The following NUMB variants were observed in gnomAD, a reference collection of about 807,000 sequenced individuals.
NUMB encodes the protein protein numb homolog.
NUMB carries 29 observed loss-of-function variants against 59.7 expected under a neutral mutation model. The ratio of observed to expected loss-of-function variants is 0.49; its 90% CI spans 0.36 to 0.66. NUMB has a LOEUF of 0.66. NUMB is among the 30% of genes least tolerant of loss of function. The pLI, the probability that NUMB is intolerant of heterozygous loss-of-function variation, is 0.00. For synonymous variants in NUMB, 288 were observed against 288.2 expected (o/e 1.00, Z 0.01); for missense variants, 723 against 822.0 (o/e 0.88, Z 1.47).
In NUMB at chr14:73,355,739, G is replaced by C; in HGVS notation, c.13C>G (p.Arg5Gly). The C allele has an allele frequency of 6.2e-7, 1 of 1,610,680 alleles. No individual in the cohort carries two copies. The highest frequency in any genetic ancestry group is 1.1e-5 in the South Asian group (1 of 90,754). ...TCCTTCTTTCTCCTAAAACTTTGCC[G>C]TAATTTGTTCATTTTAATTTTTACA... Reference protein sequence around the residue: MNKLRQSFRRKKDVY... With the variant: MNKLGQSFRRKKDVY... Residue 5 changes from arginine to glycine, a missense_variant, in exon 4 of 13, where the codon CGG becomes GGG. Physicochemically the swap from Arg to Gly is moderately radical, Grantham distance 125. Transcript: ENST00000555238.
intron 10 of NUMB, among the ~76,000 whole-genome samples, chr14:73,283,759 A>G (rs974585531): frequency 6.6e-6 from 1 of 152,250 alleles, no homozygotes; most frequent in Non-Finnish European, 1.5e-5. Flanking sequence ...ATAAGAATAG[A>G]AACTTGAGAC....
At chr14:73,434,911 T>G (rs1897987756) in intron 1 of NUMB, among the ~76,000 whole-genome samples, 1 of 152,230 alleles carries the variant, frequency 6.6e-6, no homozygotes. Flanking sequence ...TTCATTTTAT[T>G]TTTAATTATA....
intron 5 of NUMB, among the ~76,000 whole-genome samples, chr14:73,318,364 T>G (rs907375741): frequency 6.6e-6 from 1 of 152,218 alleles, no homozygotes; most frequent in African/African-American, 2.4e-5. Context: ...TTTAAAAACA[T>G]TTGTTATGAT....
chr14:73,453,197 C>T (rs996474595), intron 1 of NUMB, among the ~76,000 whole-genome samples: 3 of 152,074 alleles, frequency 2.0e-5, no homozygotes, highest in Non-Finnish European at 4.4e-5. Context: ...CAATGGCGTG[C>T]TATTGGCTCA....
chr14:73,426,099 C>G (rs908039949), intron 1 of NUMB, among the ~76,000 whole-genome samples: 1 of 152,022 alleles, frequency 6.6e-6, no homozygotes, highest in Admixed American at 6.6e-5. Context: ...CATGAGCCAC[C>G]GTGCCCAGCC....
At chr14:73,305,891 G>A (rs1210965675) in intron 6 of NUMB, among the ~76,000 whole-genome samples, 1 of 152,188 alleles carries the variant, frequency 6.6e-6, no homozygotes, top group Non-Finnish European at 1.5e-5. Context: ...ATGATACAGT[G>A]TGCCTTGTAA....
At chr14:73,439,764 G>T (rs1315882232) in intron 1 of NUMB, among the ~76,000 whole-genome samples, 1 of 152,170 alleles carries the variant, frequency 6.6e-6, no homozygotes, top group Non-Finnish European at 1.5e-5. Flanking sequence ...TTAAAGAGGA[G>T]AAAGGAGAGA....
chr14:73,427,996 T>C (rs897060067), intron 1 of NUMB, among the ~76,000 whole-genome samples: 3 of 152,208 alleles, frequency 2.0e-5, no homozygotes, highest in Non-Finnish European at 4.4e-5. Flanking sequence ...TAACTAACTT[T>C]GTTGAGTGGG....
chr14:73,452,197 T>C (rs1423586337), intron 1 of NUMB, among the ~76,000 whole-genome samples: 5 of 151,954 alleles, frequency 3.3e-5, no homozygotes, highest in African/African-American at 9.7e-5. Context: ...TCATCTCTAC[T>C]AAAAATGCAA....
At chr14:73,348,863 T>C (rs1318560619) in intron 4 of NUMB, among the ~76,000 whole-genome samples, 10 of 152,210 alleles carry the variant, frequency 6.6e-5, no homozygotes, top group Admixed American at 6.5e-4. Context: ...GAAGAAGTGC[T>C]TCAATTAACT....
intron 1 of NUMB, among the ~76,000 whole-genome samples, chr14:73,448,995 G>GAA (rs78099874): frequency 1.3e-5 from 2 of 149,626 alleles, no homozygotes; most frequent in Admixed American, 1.3e-4. Flanking sequence ...AATATATTCG[G>GAA]AAAAAAAAAT....
intron 2 of NUMB, among the ~76,000 whole-genome samples, chr14:73,397,136 A>G (rs1488563013): frequency 1.3e-5 from 2 of 151,982 alleles, no homozygotes; most frequent in South Asian, 2.1e-4. Context: ...TCAAAAAAAC[A>G]AAACAAAACA....
chr14:73,375,828 T>C (rs539519964), intron 2 of NUMB, among the ~76,000 whole-genome samples: 1 of 152,322 alleles, frequency 6.6e-6, no homozygotes, highest in African/African-American at 2.4e-5. Context: ...TCTCCATAAA[T>C]GCAGAAAAAG....
intron 1 of NUMB, among the ~76,000 whole-genome samples, chr14:73,443,877 C>T (rs991584286): frequency 1.3e-5 from 2 of 151,866 alleles, no homozygotes; most frequent in Non-Finnish European, 2.9e-5. Flanking sequence ...AACTCCTGAG[C>T]TCAAGCAATC....
chr14:73,420,387 A>G (rs1486805345), intron 1 of NUMB, among the ~76,000 whole-genome samples: 1 of 152,242 alleles, frequency 6.6e-6, no homozygotes, highest in Non-Finnish European at 1.5e-5. Context: ...GCACTTAGAG[A>G]AAAACACACT....
intron 4 of NUMB, 63 bp downstream of exon 4, chr14:73,355,563 T>C: frequency 6.8e-7 from 1 of 1,469,282 alleles, no homozygotes; most frequent in Non-Finnish European, 9.1e-7. Context: ...TTAATGAGAT[T>C]TCACATACAC....
At chr14:73,345,971 C>T (rs188044892) in intron 4 of NUMB, among the ~76,000 whole-genome samples, 1 of 151,972 alleles carries the variant, frequency 6.6e-6, no homozygotes, top group East Asian at 1.9e-4. Flanking sequence ...ATAATTAACT[C>T]CATTGTGTGG....
chr14:73,429,744 ACCAG>A (rs1897743622), intron 1 of NUMB, among the ~76,000 whole-genome samples: 4 of 152,216 alleles, frequency 2.6e-5, no homozygotes, highest in Admixed American at 2.0e-4. Context: ...GGAGTTTCAG[ACCAG>A]CCTGGCCAAC....
At chr14:73,334,150 C>G (rs1892156517) in intron 4 of NUMB, among the ~76,000 whole-genome samples, 1 of 152,100 alleles carries the variant, frequency 6.6e-6, no homozygotes. Flanking sequence ...CTCCCAGGTT[C>G]AGGCGATTCT....
Sources: gnomAD v4.1 joint callset for allele counts (sites outside exome capture counted in the v4.1 genomes callset) on GRCh38, gnomAD v4.1.1 for gene constraint, MANE v1.5 for transcripts, NCBI Gene and HGNC (gene_info 2026-07-23, HGNC 2026-07-21) for gene names.